Variants in KALRN observed in about 807,000 individuals in gnomAD.
KALRN encodes the protein kalirin RhoGEF kinase.
A neutral mutation model predicts 353.7 loss-of-function variants in KALRN; 70 were observed. That is an observed-to-expected ratio of 0.20 (90% confidence interval 0.16 to 0.24). KALRN has a LOEUF of 0.24. KALRN is among the 10% of genes least tolerant of loss of function. The pLI is 1.00. For synonymous variants in KALRN, 1,391 were observed against 1,434.8 expected (o/e 0.97, Z 0.69); for missense variants, 2,791 against 3,756.7 (o/e 0.74, Z 6.72).
intron 6 of KALRN, among the ~76,000 whole-genome samples, chr3:124,321,630 TG>T (rs903547589): frequency 2.0e-5 from 3 of 152,238 alleles, no homozygotes; most frequent in Non-Finnish European, 4.4e-5. Flanking sequence ...CTCTCCATCC[TG>T]TGATCTCCAG....
intron 1 of KALRN, among the ~76,000 whole-genome samples, chr3:124,180,340 A>T (rs2150196276): frequency 6.6e-6 from 1 of 152,332 alleles, no homozygotes; most frequent in South Asian, 2.1e-4. Context: ...ATTAGGAAAT[A>T]AAAACTTTCT....
intron 34 of KALRN, among the ~76,000 whole-genome samples, chr3:124,600,732 A>T (rs997697995): frequency 6.6e-6 from 1 of 152,130 alleles, no homozygotes; most frequent in Non-Finnish European, 1.5e-5. Flanking sequence ...AGCAATCTTT[A>T]TTATTCTGTT....
intron 34 of KALRN, among the ~76,000 whole-genome samples, chr3:124,628,308 C>T (rs1176742721): frequency 1.9e-4 from 1 of 5,150 alleles, no homozygotes; most frequent in African/African-American, 9.7e-4. Flanking sequence ...TTCATTCCCT[C>T]CCTCCCCCCT....
intron 10 of KALRN, among the ~76,000 whole-genome samples, chr3:124,356,402 C>T (rs866533317): frequency 9.6e-5 from 14 of 146,590 alleles, no homozygotes; most frequent in Admixed American, 1.4e-4. Context: ...GGCGCGATTT[C>T]GGCTCACTGC....
chr3:124,365,066 T>C (rs2084499604), intron 10 of KALRN, among the ~76,000 whole-genome samples: 1 of 152,228 alleles, frequency 6.6e-6, no homozygotes, highest in African/African-American at 2.4e-5. Context: ...TATTGCTAAT[T>C]TGTGCTACTG....
chr3:124,685,631 CA>C (rs1477264842), intron 51 of KALRN, among the ~76,000 whole-genome samples: 1 of 152,202 alleles, frequency 6.6e-6, no homozygotes, highest in African/African-American at 2.4e-5. Flanking sequence ...AACAACTTTT[CA>C]AATCTCTTGA....
At chr3:124,283,048 G>A (rs542442439) in intron 5 of KALRN, among the ~76,000 whole-genome samples, 1 of 152,352 alleles carries the variant, frequency 6.6e-6, no homozygotes, top group East Asian at 1.9e-4. Context: ...AGGGAAGCCT[G>A]CCTCCTCCCA....
intron 6 of KALRN, among the ~76,000 whole-genome samples, chr3:124,315,537 G>T (rs1388164919): frequency 6.6e-6 from 1 of 151,754 alleles, no homozygotes. Flanking sequence ...CTCTACCCAC[G>T]ATCCTGGGAC....
At chr3:124,630,901 A>G (rs370062786) in intron 34 of KALRN, among the ~76,000 whole-genome samples, 6 of 152,294 alleles carry the variant, frequency 3.9e-5, no homozygotes, top group African/African-American at 9.6e-5. Context: ...AGAATTCTCT[A>G]TACTCTGTCT....
At chr3:124,297,701 C>T (rs945299490) in intron 5 of KALRN, among the ~76,000 whole-genome samples, 4 of 152,208 alleles carry the variant, frequency 2.6e-5, no homozygotes, top group Non-Finnish European at 4.4e-5. Flanking sequence ...TACAGAAAGT[C>T]CAACTTAAAC....
At chr3:124,534,165 T>C (rs1488448127) in intron 33 of KALRN, among the ~76,000 whole-genome samples, 1 of 152,188 alleles carries the variant, frequency 6.6e-6, no homozygotes, top group Non-Finnish European at 1.5e-5. Context: ...GATGACATAC[T>C]AAATGTAATG....
chr3:124,398,244 G>A (rs185195139), intron 12 of KALRN, among the ~76,000 whole-genome samples: 14 of 152,294 alleles, frequency 9.2e-5, no homozygotes, highest in African/African-American at 3.4e-4. Flanking sequence ...AAGAGTCTGT[G>A]AAGTAAAACT....
chr3:124,598,491 C>T (rs909607016), intron 34 of KALRN, among the ~76,000 whole-genome samples: 2 of 152,142 alleles, frequency 1.3e-5, no homozygotes, highest in African/African-American at 4.8e-5. Context: ...CTGGAGGCCT[C>T]CTGACTCCTG....
chr3:124,499,564 T>A (rs570728998), intron 33 of KALRN, among the ~76,000 whole-genome samples: 1 of 152,200 alleles, frequency 6.6e-6, no homozygotes, highest in Non-Finnish European at 1.5e-5. Context: ...GTGGTTTTAT[T>A]GTTTATTAAC....
intron 33 of KALRN, among the ~76,000 whole-genome samples, chr3:124,522,227 A>G (rs2067222028): frequency 6.6e-6 from 1 of 151,882 alleles, no homozygotes. Flanking sequence ...TTTATATAAT[A>G]CAGATACATA....
chr3:124,690,155 C>A (rs72968712), intron 51 of KALRN, among the ~76,000 whole-genome samples: 4 of 151,598 alleles, frequency 2.6e-5, no homozygotes, highest in African/African-American at 9.7e-5. Context: ...GCAATACTAG[C>A]GAACAATATG....
At chr3:124,477,142 T>G in intron 26 of KALRN, 103 bp from the exon 27 acceptor site, 2 of 697,070 alleles carry the variant, frequency 2.9e-6, no homozygotes, top group Admixed American at 2.5e-5. Context: ...GACACTGGTG[T>G]CTGAGGGTCT....
At chr3:124,588,948 G>C (rs9877098) in intron 34 of KALRN, among the ~76,000 whole-genome samples, 3,323 of 152,304 alleles carry the variant, frequency 0.022, 100 homozygotes, top group African/African-American at 0.075. Flanking sequence ...GAGGTAAAGA[G>C]AGGAAGGAGG....
chr3:124,518,716 T>A, intron 33 of KALRN: 1 of 1,407,042 alleles, frequency 7.1e-7, no homozygotes, highest in South Asian at 1.5e-5. Flanking sequence ...AAGTCTAAAA[T>A]GGTGGGGCAG....
Sources: gnomAD v4.1 joint callset for allele counts (sites outside exome capture counted in the v4.1 genomes callset) on GRCh38, gnomAD v4.1.1 for gene constraint, MANE v1.5 for transcripts, NCBI Gene and HGNC (gene_info 2026-07-23, HGNC 2026-07-21) for gene names.